ADGRV1: variants seen among roughly 807,000 people sequenced by gnomAD.
The protein encoded by ADGRV1 is adhesion G protein-coupled receptor V1.
ADGRV1 carries 359 observed loss-of-function variants against 596.2 expected under a neutral mutation model. The observed-to-expected ratio is 0.60, with a 90% confidence interval of 0.55 to 0.66. The LOEUF (loss-of-function observed/expected upper bound fraction) is 0.66. Among genes scored for constraint, ADGRV1 ranks in the 30% least tolerant of loss-of-function variants. The pLI is 0.00. For synonymous variants in ADGRV1, 2,681 were observed against 2,679.2 expected (o/e 1.00, Z -0.02); for missense variants, 7,274 against 7,575.6 (o/e 0.96, Z 1.48).
At chr5:90,757,752 T>C (rs545918350) in intron 57 of ADGRV1, among the ~76,000 whole-genome samples, 30 of 152,322 alleles carry the variant, frequency 2.0e-4, no homozygotes, top group Admixed American at 7.2e-4. Flanking sequence ...AACTTGGCAT[T>C]TTGTAATATG....
At chr5:91,046,699 C>A (rs1295830664) in intron 85 of ADGRV1, among the ~76,000 whole-genome samples, 1 of 152,162 alleles carries the variant, frequency 6.6e-6, no homozygotes, top group East Asian at 1.9e-4. Flanking sequence ...TTTTGCATGG[C>A]AGAAGGAACA....
intron 11 of ADGRV1, among the ~76,000 whole-genome samples, chr5:90,639,904 C>A (rs1320466782): frequency 6.6e-6 from 1 of 152,086 alleles, no homozygotes; most frequent in Non-Finnish European, 1.5e-5. Context: ...AAATAGTTAA[C>A]AGTTTATTGT....
intron 21 of ADGRV1, among the ~76,000 whole-genome samples, chr5:90,669,469 C>T (rs1772111694): frequency 6.6e-6 from 1 of 151,912 alleles, no homozygotes; most frequent in Admixed American, 6.6e-5. Context: ...TGGTCGTTGA[C>T]ACTTAAAAAA....
chr5:90,900,904 C>G (rs1771776125), intron 83 of ADGRV1, among the ~76,000 whole-genome samples: 2 of 152,020 alleles, frequency 1.3e-5, no homozygotes, highest in South Asian at 4.2e-4. Flanking sequence ...GTACCACTAC[C>G]TAGAATAAAT....
intron 83 of ADGRV1, chr5:90,929,757 TA>T (rs1362866067): frequency 6.6e-6 from 1 of 152,260 alleles, no homozygotes; most frequent in Non-Finnish European, 1.5e-5. Flanking sequence ...ACATTTTCTT[TA>T]AATAGCTTTT....
At chr5:91,087,814 T>A (rs1030306963) in intron 86 of ADGRV1, among the ~76,000 whole-genome samples, 1 of 152,156 alleles carries the variant, frequency 6.6e-6, no homozygotes, top group East Asian at 1.9e-4. Context: ...CTCAGAGCAG[T>A]TAAGTAACTA....
At chr5:90,591,063 A>G (rs1053659967) in intron 1 of ADGRV1, among the ~76,000 whole-genome samples, 2 of 152,142 alleles carry the variant, frequency 1.3e-5, no homozygotes, top group East Asian at 1.9e-4. Context: ...TAAATGGGGT[A>G]TCATCACCTC....
At chr5:90,753,475 A>T (rs1755488320) in intron 53 of ADGRV1, 99 bp from the exon 54 acceptor site, 1 of 790,538 alleles carries the variant, frequency 1.3e-6, no homozygotes, top group Non-Finnish European at 2.0e-6. Flanking sequence ...CTTGCTATTT[A>T]AGTTATAGGT....
intron 1 of ADGRV1, among the ~76,000 whole-genome samples, chr5:90,596,091 A>G (rs1406533585): frequency 1.5e-5 from 2 of 135,758 alleles, no homozygotes; most frequent in African/African-American, 2.9e-5. Flanking sequence ...CCGGGCAGAG[A>G]CGCTCCTCAA....
chr5:91,161,434 T>G (rs757503999), intron 89 of ADGRV1, among the ~76,000 whole-genome samples: 8 of 151,882 alleles, frequency 5.3e-5, no homozygotes, highest in Non-Finnish European at 1.2e-4. Flanking sequence ...TTTTTGTTGT[T>G]GTTTTTTGTT....
chr5:90,720,124 C>A lies in ADGRV1; in HGVS notation c.9524C>A (p.Thr3175Asn). 1 of 1,613,480 alleles carries A rather than the reference C, an allele frequency of 6.2e-7. No individual in the cohort carries two copies. The highest frequency in any genetic ancestry group is 8.5e-7 in the Non-Finnish European group (1 of 1,179,438). Residue 3175 changes from threonine (T) to asparagine (N), a missense_variant, in exon 44 of 90, where the codon ACT (threonine) becomes AAT (asparagine). This residue lies in a region of ADGRV1 where 3,643 missense variants were observed against 3,809.2 expected (regional missense o/e 0.96). Coordinates refer to ENST00000405460, the MANE Select transcript of ADGRV1 (RefSeq NM_032119.4). ...EYFVCTLFNP[T>N]GGARLGVHVQ... ...TTTGTTTGCACCTTGTTTAATCCAA[C>A]TGGAGGTGCTAGACTAGGGGTGCAT...
intron 85 of ADGRV1, among the ~76,000 whole-genome samples, chr5:91,047,098 A>G (rs995854809): frequency 1.3e-5 from 2 of 152,140 alleles, no homozygotes; most frequent in Non-Finnish European, 2.9e-5. Flanking sequence ...ACTATGAAAA[A>G]CAATGTGGTG....
intron 83 of ADGRV1, among the ~76,000 whole-genome samples, chr5:90,876,776 T>C (rs1014761341): frequency 3.3e-5 from 5 of 152,208 alleles, no homozygotes; most frequent in Non-Finnish European, 5.9e-5. Context: ...AGAAGACCTT[T>C]TCTGAAAATT....
chr5:90,750,868 G>C (rs1042028308), intron 53 of ADGRV1, among the ~76,000 whole-genome samples, 171 bp downstream of exon 53: 28 of 151,896 alleles, frequency 1.8e-4, no homozygotes, highest in African/African-American at 6.8e-4. Flanking sequence ...TCTGGTTGTG[G>C]GTATTGTTCT....
chr5:90,794,386 G>T (rs754307714), intron 70 of ADGRV1, among the ~76,000 whole-genome samples: 2 of 152,134 alleles, frequency 1.3e-5, no homozygotes, highest in Non-Finnish European at 2.9e-5. Flanking sequence ...AAGAATCATT[G>T]ACCTGCTAAA....
intron 1 of ADGRV1, among the ~76,000 whole-genome samples, chr5:90,591,685 G>A (rs183482929): frequency 3.3e-5 from 5 of 152,304 alleles, no homozygotes; most frequent in African/African-American, 1.2e-4. Flanking sequence ...GTGAATTATT[G>A]TGTTAGTAGC....
rs77829740 is a variant in ADGRV1, at chr5:91,024,147, T to G, written c.18152+38625T>G. ...TTCCTCCTCTCTAAACACTCACACCTGTAACATCTGTTTATCTCAGTTGAT... is the reference window on the plus strand; with the variant it reads ...TTCCTCCTCTCTAAACACTCACACCGGTAACATCTGTTTATCTCAGTTGAT... On this transcript the variant is annotated intron_variant, in intron 85 of 89. Transcript: ENST00000405460. Among the ~76,000 whole-genome samples the G allele has an allele frequency of 3.9e-3, 589 of 152,236 alleles. 3 individuals are homozygous for G. Among genetic ancestry groups the G allele is most frequent in the African/African-American group, 0.014 (561 of 41,550 alleles).
intron 21 of ADGRV1, among the ~76,000 whole-genome samples, chr5:90,664,112 A>T (rs913486201): frequency 6.7e-6 from 1 of 148,594 alleles, no homozygotes; most frequent in African/African-American, 2.5e-5. Flanking sequence ...TTTTGGTTCC[A>T]TATGAACTTT....
At chr5:91,007,613 C>G (rs1179160845) in intron 85 of ADGRV1, among the ~76,000 whole-genome samples, 3 of 152,066 alleles carry the variant, frequency 2.0e-5, no homozygotes, top group Non-Finnish European at 4.4e-5. Context: ...TTTTGATGTA[C>G]TGAAAGACTT....
Sources: gnomAD v4.1 joint callset for allele counts (sites outside exome capture counted in the v4.1 genomes callset) on GRCh38, gnomAD v4.1.1 for gene constraint, gnomAD v4.1.1 regional missense constraint, MANE v1.5 for transcripts, NCBI Gene and HGNC (gene_info 2026-07-23, HGNC 2026-07-21) for gene names.